The following RWDD1 variants were observed in gnomAD, a reference collection of about 807,000 sequenced individuals.
RWDD1 encodes RWD domain-containing protein 1.
Under a neutral mutation model 31.6 loss-of-function variants are expected in RWDD1, and 17 were observed. The observed-to-expected ratio is 0.54, with a 90% confidence interval of 0.37 to 0.81. RWDD1 has a LOEUF of 0.81. Ranked by LOEUF, RWDD1 falls within the 30% of genes least tolerant of loss-of-function variation. RWDD1 has a pLI of 0.00. For missense variants in RWDD1, 204 were observed against 274.5 expected (o/e 0.74, Z 1.82); for synonymous variants, 78 against 94.2 (o/e 0.83, Z 0.99).
intron 1 of RWDD1, chr6:116,580,065 A>C (rs1774922027): frequency 9.6e-6 from 3 of 312,474 alleles, no homozygotes; most frequent in Admixed American, 5.0e-5. Flanking sequence ...TAAAACTCCA[A>C]GAGGGTTATC....
rs1253650289 is a variant in RWDD1 at position 116,583,940 on chromosome 6, A to G, written c.140-787A>G. Reference sequence around the variant, plus strand: ...GAGCAGTATAAATTTGTATTGCTTCATCAAAATCAGATTTTAATAATATAA... The same window carrying G: ...GAGCAGTATAAATTTGTATTGCTTCGTCAAAATCAGATTTTAATAATATAA... On this transcript the variant is annotated intron_variant, in intron 2 of 6. Coordinates refer to ENST00000466444, the MANE Select transcript of RWDD1 (RefSeq NM_015952.4). 3.3e-5 allele frequency among the ~76,000 whole-genome samples: 5 copies of G among 152,332 alleles called. No homozygotes were observed. In the South Asian group the frequency reaches 1.0e-3, roughly 32 times the overall value.
At chr6:116,583,547 C>T (rs1304730631) in intron 2 of RWDD1, among the ~76,000 whole-genome samples, 1 of 152,040 alleles carries the variant, frequency 6.6e-6, no homozygotes, top group Non-Finnish European at 1.5e-5. Flanking sequence ...CACACACACA[C>T]ACACAAATCA....
In RWDD1 at chr6:116,593,405, A is replaced by C. The variant is rs1400160499; in HGVS notation, c.*304A>C. ...CTGTGCACATGAGTTTATACACAGGAAATTGGAATAACTTGGAATTTCTAT... is the reference window on the plus strand; with the variant it reads ...CTGTGCACATGAGTTTATACACAGGCAATTGGAATAACTTGGAATTTCTAT... On this transcript the variant is annotated 3_prime_UTR_variant, in exon 7 of 7. Coordinates refer to ENST00000466444, the MANE Select transcript of RWDD1 (RefSeq NM_015952.4). The C allele has an allele frequency of 1.1e-5, 2 of 182,550 alleles. No individual in the cohort carries two copies. The highest frequency in any genetic ancestry group is 1.2e-4 in the Admixed American group (2 of 16,420). The allele number at this position is 182,550 out of a possible 1,614,324, so 11.3% of individuals were successfully genotyped here.
chr6:116,573,028 A>G lies in RWDD1; in HGVS notation c.73+1373A>G, dbSNP rs967602788. ...CTGGCTCCCTTCTCTATCCTTGCTT[A>G]TATGTGTATGTCTAAAATAGAATAT... On this transcript the variant is annotated intron_variant, in intron 1 of 6. Transcript: ENST00000466444. The G allele has an allele frequency of 6.1e-6, 6 of 980,410 alleles. No individual in the cohort carries two copies. The South Asian group carries it at 1.9e-4, about 31-fold the overall frequency. The allele number at this position is 980,410 out of a possible 1,614,324, so 60.7% of individuals were successfully genotyped here.
chr6:116,592,925 T>C (rs1775171386), intron 6 of RWDD1, 55 bp from the exon 7 acceptor site: 1 of 1,572,934 alleles, frequency 6.4e-7, no homozygotes, highest in Non-Finnish European at 8.6e-7. Context: ...TTATCTTCTA[T>C]TTCTGAGTAT....
In RWDD1 at chr6:116,594,617, T is replaced by C. The variant is rs1775212010; in HGVS notation, c.*1516T>C. 1 of 152,222 alleles carries C rather than the reference T, an allele frequency of 6.6e-6. No individual in the cohort carries two copies. The highest frequency in any genetic ancestry group is 1.5e-5 in the Non-Finnish European group (1 of 68,046). 9.4% of individuals were successfully genotyped at this position (152,222 alleles called of 1,614,324 possible). A position where few individuals can be genotyped will look rare whatever the true frequency, so the allele number is the denominator to read the frequency against. ...GAGTTTGAATTTTGGGGATCGTACA[T>C]TGTCTGCAAGAGAAACACATTAACA... On this transcript the variant is annotated 3_prime_UTR_variant, in exon 7 of 7. Transcript: ENST00000466444.
rs1196499453 is a variant in RWDD1 at position 116,597,063 on chromosome 6, A to C, written c.*3962A>C. The C allele has an allele frequency of 2.0e-5, 3 of 152,148 alleles. No homozygotes were observed. The highest frequency in any genetic ancestry group is 4.4e-5 in the Non-Finnish European group (3 of 68,034). The allele number at this position is 152,148 out of a possible 1,614,324, so 9.4% of individuals were successfully genotyped here. On this transcript the variant is annotated 3_prime_UTR_variant, in exon 7 of 7. Coordinates refer to ENST00000466444, the MANE Select transcript of RWDD1 (RefSeq NM_015952.4). ...AATGCTAAATGGTATTTAGTTGTGG[A>C]TCTTCATCCTGTCATGCAGCTAAAT...
At position 116,588,400 on chromosome 6, in the gene RWDD1, T is replaced by A. The variant is rs572676895; in HGVS notation, c.271-442T>A. Among the ~76,000 whole-genome samples, 166 of 152,306 alleles carry A rather than the reference T, an allele frequency of 1.1e-3. 3 individuals carry two copies. Among genetic ancestry groups the A allele is most frequent in the Non-Finnish European group, 2.1e-4 (14 of 68,018 alleles). ...TTCGAGATTTTTTTATATTTGGTTT[T>A]AAACCATTTCAAATCTAAAGAAAAA... On this transcript the variant is annotated intron_variant, in intron 3 of 6. Transcript: ENST00000466444.
chr6:116,575,151 A>G (rs1774816760), intron 1 of RWDD1, among the ~76,000 whole-genome samples: 1 of 152,068 alleles, frequency 6.6e-6, no homozygotes. Context: ...CAGTGGCACC[A>G]TCTTGGGTCA....
At chr6:116,590,521 C>A in intron 5 of RWDD1, 117 bp downstream of exon 5, 1 of 1,278,402 alleles carries the variant, frequency 7.8e-7, no homozygotes, top group Non-Finnish European at 1.1e-6. Flanking sequence ...GCATCTAGGA[C>A]AAAAAGAGAA....
intron 3 of RWDD1, among the ~76,000 whole-genome samples, chr6:116,587,578 A>C (rs915189930): frequency 1.3e-5 from 2 of 152,136 alleles, no homozygotes; most frequent in African/African-American, 4.8e-5. Context: ...TTGCGAAGCT[A>C]TGAAGGGGTT....
At chr6:116,578,504 CAT>C (rs552832107) in intron 1 of RWDD1, among the ~76,000 whole-genome samples, 236 of 152,280 alleles carry the variant, frequency 1.5e-3, no homozygotes, top group African/African-American at 5.5e-3. Context: ...CTCAGGGAGT[CAT>C]AGAAAGTGGT....
intron 3 of RWDD1, among the ~76,000 whole-genome samples, chr6:116,585,848 G>A (rs539541662): frequency 3.3e-5 from 5 of 152,094 alleles, no homozygotes; most frequent in African/African-American, 1.2e-4. Context: ...AGGCTGGAGG[G>A]CAGTGACATG....
At chr6:116,572,736 T>C in intron 1 of RWDD1, 6 of 391,164 alleles carry the variant, frequency 1.5e-5, no homozygotes, top group Non-Finnish European at 2.1e-5. Context: ...TAGTGTAAGG[T>C]ATATTACTTT....
intron 1 of RWDD1, among the ~76,000 whole-genome samples, chr6:116,578,801 C>G (rs987932840): frequency 1.3e-5 from 2 of 152,198 alleles, no homozygotes; most frequent in African/African-American, 4.8e-5. Context: ...CTAGTAATCA[C>G]AGGTGTTCAT....
At position 116,588,924 on chromosome 6, in the gene RWDD1, TA is replaced by T; in HGVS notation, c.358del (p.Thr120LeufsTer33). On this transcript the variant is annotated frameshift_variant, in exon 4 of 7. Coordinates refer to ENST00000466444, the MANE Select transcript of RWDD1 (RefSeq NM_015952.4). LOFTEE classifies it high-confidence loss of function. ...AAATTAAATGAAATAGTAGATCAGATAAAAACTAGAAGAGAAGAAGAAAAGA... is the reference window on the plus strand; with the variant it reads ...AAATTAAATGAAATAGTAGATCAGATAAAACTAGAAGAGAAGAAGAAAAGA... ...QEKLNEIVDQ[I>X]KTRREEEKKQ... 6.8e-7 allele frequency: 1 copy of T among 1,479,902 alleles called. No individual in the cohort carries two copies. The highest frequency in any genetic ancestry group is 9.0e-7 in the Non-Finnish European group (1 of 1,110,200). The allele number at this position is 1,479,902 out of a possible 1,614,324, so 91.7% of individuals were successfully genotyped here. A position where few individuals can be genotyped will look rare whatever the true frequency, so the allele number is the denominator to read the frequency against.
intron 1 of RWDD1, among the ~76,000 whole-genome samples, chr6:116,575,533 A>C (rs1193549592): frequency 3.3e-5 from 5 of 152,194 alleles, no homozygotes; most frequent in South Asian, 4.1e-4. Flanking sequence ...ATTTTTGTGA[A>C]TCCAATTAAG....
Position 116,595,643 on chromosome 6 carries a change from C to A in RWDD1, c.*2542C>A, listed in dbSNP as rs1423045200. The A allele has an allele frequency of 6.6e-6, 1 of 152,050 alleles. No homozygotes were observed. Among genetic ancestry groups the A allele is most frequent in the African/African-American group, 2.4e-5 (1 of 41,402 alleles). The allele number at this position is 152,050 out of a possible 1,614,324, so 9.4% of individuals were successfully genotyped here. On this transcript the variant is annotated 3_prime_UTR_variant, in exon 7 of 7. Transcript: ENST00000466444. ...AGATATGTTTATTCATTACTGTATCCCTGTAATAATGCCTGGCATGCAGTA... is the reference window on the plus strand; with the variant it reads ...AGATATGTTTATTCATTACTGTATCACTGTAATAATGCCTGGCATGCAGTA...
intron 1 of RWDD1, among the ~76,000 whole-genome samples, chr6:116,579,607 A>G (rs1344032184): frequency 6.6e-6 from 1 of 152,246 alleles, no homozygotes; most frequent in Non-Finnish European, 1.5e-5. Context: ...TGAGTATTAG[A>G]TAGACATAGG....
Sources: gnomAD v4.1 joint callset for allele counts (sites outside exome capture counted in the v4.1 genomes callset) on GRCh38, gnomAD v4.1.1 for gene constraint, MANE v1.5 for transcripts, NCBI Gene and HGNC (gene_info 2026-07-23, HGNC 2026-07-21) for gene names.